Variants in KIRREL3 observed in about 807,000 individuals in gnomAD.
The protein encoded by KIRREL3 is kirre like nephrin family adhesion molecule 3.
In KIRREL3, 36 loss-of-function variants were observed where a neutral mutation model predicts 89.7. The observed-to-expected ratio is 0.40, with a 90% CI of 0.31 to 0.53. The LOEUF (loss-of-function observed/expected upper bound fraction) is 0.53. Among genes scored for constraint, KIRREL3 ranks in the 20% least tolerant of loss-of-function variants. The pLI, the probability that KIRREL3 is intolerant of heterozygous loss-of-function variation, is 0.49. For missense variants in KIRREL3, 864 were observed against 1,056.6 expected, an observed-to-expected ratio of 0.82 and a Z score of 2.53; for synonymous variants, 445 against 441.4, an observed-to-expected ratio of 1.01 and a Z score of -0.10.
At position 126,697,576 on chromosome 11, in the gene KIRREL3, A is replaced by G. The variant is rs1189797892; in HGVS notation, c.56-134664T>C. On this transcript the variant is annotated intron_variant, in intron 1 of 16. Transcript: ENST00000525144. This position sits in a 1 kb window ranked among gnomAD's most constrained non-coding sequence, Gnocchi z 4.2. The stretch of plus-strand genomic sequence containing the variant: ...ATGAATACATGAATAGTGATTAGAG[A>G]TGAGGCCCCAGGACCTATAGCTTTA... 6.6e-6 allele frequency among the ~76,000 whole-genome samples: 1 copy of G among 152,194 alleles called. No individual in the cohort carries two copies. The highest frequency in any genetic ancestry group is 1.9e-4 in the East Asian group (1 of 5,196).
Position 126,563,196 on chromosome 11 carries a change from G to T in KIRREL3, c.56-284C>A, listed in dbSNP as rs1940258216. Among the ~76,000 whole-genome samples, 1 of 152,200 alleles carries T rather than the reference G, an allele frequency of 6.6e-6. No individual in the cohort carries two copies. Among genetic ancestry groups the T allele is most frequent in the Non-Finnish European group, 1.5e-5 (1 of 68,042 alleles). On this transcript the variant is annotated intron_variant, in intron 1 of 16. Coordinates refer to ENST00000525144, the MANE Select transcript of KIRREL3 (RefSeq NM_032531.4). This position sits in a 1 kb window ranked among gnomAD's most constrained non-coding sequence, Gnocchi z 6.8. ...CACTGGATGAAAGAGCTAGCAGGTG[G>T]TAAAGCCAGAGCTTTGAACCTAGGC...
chr11:126,745,770 G>A (rs1482211152), intron 1 of KIRREL3, among the ~76,000 whole-genome samples: 1 of 152,186 alleles, frequency 6.6e-6, no homozygotes, highest in African/African-American at 2.4e-5. Flanking sequence ...CTTGAAATGT[G>A]GGTTTCCATA....
intron 1 of KIRREL3, among the ~76,000 whole-genome samples, chr11:126,567,227 G>T (rs747310670): frequency 4.6e-5 from 7 of 152,194 alleles, no homozygotes; most frequent in Non-Finnish European, 8.8e-5. Flanking sequence ...GTTATAATGA[G>T]GTCATTAGGA....
intron 1 of KIRREL3, among the ~76,000 whole-genome samples, chr11:126,907,846 C>T (rs1447033746): frequency 6.6e-6 from 1 of 152,142 alleles, no homozygotes; most frequent in Non-Finnish European, 1.5e-5. Context: ...TGAGTTCCCC[C>T]ATCAAGTCCA....
chr11:126,671,650 T>C (rs893306042), intron 1 of KIRREL3, among the ~76,000 whole-genome samples: 1 of 151,450 alleles, frequency 6.6e-6, no homozygotes, highest in Non-Finnish European at 1.5e-5. Context: ...CCAAAGAAGA[T>C]ACACAGATGG....
At position 126,655,443 on chromosome 11, in the gene KIRREL3, C is replaced by A. The variant is rs1392577301; in HGVS notation, c.56-92531G>T. On this transcript the variant is annotated intron_variant, in intron 1 of 16. Coordinates refer to ENST00000525144, the MANE Select transcript of KIRREL3 (RefSeq NM_032531.4). This position sits in a 1 kb window ranked among gnomAD's most constrained non-coding sequence, Gnocchi z 5.0. ...AAAAGCCTGCCTCTTTTCTCCTTCA[C>A]CCCTCCACTCCCCCCACAAACAACT... is the stretch of plus-strand genomic sequence containing the variant. Among the ~76,000 whole-genome samples the A allele has an allele frequency of 6.6e-6, 1 of 152,118 alleles. No individual in the cohort carries two copies. Among genetic ancestry groups the A allele is most frequent in the African/African-American group, 2.4e-5 (1 of 41,414 alleles).
At chr11:126,536,022 G>C (rs982379830) in intron 2 of KIRREL3, among the ~76,000 whole-genome samples, 1 of 151,280 alleles carries the variant, frequency 6.6e-6, no homozygotes, top group African/African-American at 2.4e-5. Flanking sequence ...TTTTCTAGGA[G>C]AATCCATAGA....
Position 126,474,849 on chromosome 11 carries a change from T to G in KIRREL3, c.434-1383A>C, listed in dbSNP as rs1957020905. The stretch of plus-strand genomic sequence containing the variant: ...ATGGTTTGGAGGAGAGGCCCAGAAA[T>G]CTGAAGTACCTTGCCTAGGACACAG... On this transcript the variant is annotated intron_variant, in intron 4 of 16. Transcript: ENST00000525144. This position sits in a 1 kb window ranked among gnomAD's most constrained non-coding sequence, Gnocchi z 6.7. Among the ~76,000 whole-genome samples the G allele has an allele frequency of 1.3e-5, 2 of 152,118 alleles. No homozygotes were observed. Among genetic ancestry groups the G allele is most frequent in the Admixed American group, 1.3e-4 (2 of 15,280 alleles).
rs3802816 is a variant in KIRREL3, at chr11:126,431,554, T to C, written c.1589-28A>G. ...GTGGGAGAGAAGCGGGCACAGCTGA[T>C]GACGGATGGGGAATGGCCTACTATC... On this transcript the variant is annotated intron_variant, in intron 13 of 16. Transcript: ENST00000525144. The surrounding 1 kb of genome is among the most constrained non-coding windows in gnomAD (Gnocchi z 7.1). 528,312 of 1,602,162 alleles carry C rather than the reference T, an allele frequency of 0.33. 96,425 individuals carry two copies. The highest frequency in any genetic ancestry group is 0.79 in the East Asian group (35,340 of 44,772).
rs1489811739 is a variant in KIRREL3 at position 126,430,741 on chromosome 11, A to G, written c.1696+678T>C. Among the ~76,000 whole-genome samples the G allele has an allele frequency of 6.6e-6, 1 of 152,200 alleles. No individual in the cohort carries two copies. The highest frequency in any genetic ancestry group is 2.4e-5 in the African/African-American group (1 of 41,438). Reference sequence around the variant, plus strand: ...GGGCCATCAGAGTCATATCCTCATTATAAATGAGGAGACAGGCCTGGAATA... The same window carrying G: ...GGGCCATCAGAGTCATATCCTCATTGTAAATGAGGAGACAGGCCTGGAATA... On this transcript the variant is annotated intron_variant, in intron 14 of 16. Coordinates refer to ENST00000525144, the MANE Select transcript of KIRREL3 (RefSeq NM_032531.4). This position sits in a 1 kb window ranked among gnomAD's most constrained non-coding sequence, Gnocchi z 6.6.
chr11:126,915,647 G>A (rs1947008110), intron 1 of KIRREL3, among the ~76,000 whole-genome samples: 1 of 152,142 alleles, frequency 6.6e-6, no homozygotes, highest in African/African-American at 2.4e-5. Flanking sequence ...GAGCACTAAA[G>A]TACCACTCAT....
At position 126,783,784 on chromosome 11, in the gene KIRREL3, C is replaced by T. The variant is rs1369758350; in HGVS notation, c.55+216671G>A. Among the ~76,000 whole-genome samples, 1 of 152,188 alleles carries T rather than the reference C, an allele frequency of 6.6e-6. No individual in the cohort carries two copies. Among genetic ancestry groups the T allele is most frequent in the South Asian group, 2.1e-4 (1 of 4,834 alleles). ...TCCCGCTCCTTAAGCGTGGGCTGCA[C>T]ATAGTGACTTCCTTCTAAAGAATAC... is the stretch of plus-strand genomic sequence containing the variant. On this transcript the variant is annotated intron_variant, in intron 1 of 16. Coordinates refer to ENST00000525144, the MANE Select transcript of KIRREL3 (RefSeq NM_032531.4). The surrounding 1 kb of genome is among the most constrained non-coding windows in gnomAD (Gnocchi z 4.3).
intron 4 of KIRREL3, among the ~76,000 whole-genome samples, chr11:126,506,695 C>G (rs1258853337): frequency 6.6e-6 from 1 of 152,156 alleles, no homozygotes; most frequent in Non-Finnish European, 1.5e-5. Flanking sequence ...ATTATGTAGC[C>G]ATTCCACTAC....
chr11:126,878,078 A>C (rs1945357894), intron 1 of KIRREL3, among the ~76,000 whole-genome samples: 1 of 152,226 alleles, frequency 6.6e-6, no homozygotes, highest in African/African-American at 2.4e-5. Context: ...ATGGCCTTTC[A>C]TTCACAGAGA....
At chr11:126,895,210 C>T (rs1946101208) in intron 1 of KIRREL3, among the ~76,000 whole-genome samples, 1 of 151,908 alleles carries the variant, frequency 6.6e-6, no homozygotes, top group African/African-American at 2.4e-5. Flanking sequence ...CACCTGTAAC[C>T]CCAGCACTTT....
rs182232588 is a variant in KIRREL3 at position 126,932,407 on chromosome 11, T to C, written c.55+68048A>G. Among the ~76,000 whole-genome samples the C allele has an allele frequency of 3.9e-5, 6 of 152,272 alleles. No individual in the cohort carries two copies. The East Asian group carries it at 1.2e-3, about 29-fold the overall frequency. ...TGCATTCAACCCAACAAGCAGCAGG[T>C]TCCCGTCTTGGACACCGAAAGTGGG... On this transcript the variant is annotated intron_variant, in intron 1 of 16. Coordinates refer to ENST00000525144, the MANE Select transcript of KIRREL3 (RefSeq NM_032531.4).
Position 126,535,984 on chromosome 11 carries a change from CA to C in KIRREL3, c.134-9298del, listed in dbSNP as rs921106668. 2.0e-5 allele frequency among the ~76,000 whole-genome samples: 3 copies of C among 150,008 alleles called. No homozygotes were observed. The highest frequency in any genetic ancestry group is 2.1e-4 in the South Asian group (1 of 4,754). On this transcript the variant is annotated intron_variant, in intron 2 of 16. Transcript: ENST00000525144. The surrounding 1 kb of genome is among the most constrained non-coding windows in gnomAD (Gnocchi z 4.5). ...TAGGGGACAGAGTGAGACTCCATCA[CA>C]AAAAAAAAGATTTTGGTTGAATGAA...
Position 126,918,741 on chromosome 11 carries a change from T to G in KIRREL3, c.55+81714A>C, listed in dbSNP as rs1272915200. On this transcript the variant is annotated intron_variant, in intron 1 of 16. Transcript: ENST00000525144. The surrounding 1 kb of genome is among the most constrained non-coding windows in gnomAD (Gnocchi z 6.5). ...AGTTCCCCTTTTCAAAATCTTTTCCTGCATTGGATGCCAGGCAGCCATTGT... is the reference window on the plus strand; with the variant it reads ...AGTTCCCCTTTTCAAAATCTTTTCCGGCATTGGATGCCAGGCAGCCATTGT... Among the ~76,000 whole-genome samples, 1 of 152,196 alleles carries G rather than the reference T, an allele frequency of 6.6e-6. No individual in the cohort carries two copies. The highest frequency in any genetic ancestry group is 1.5e-5 in the Non-Finnish European group (1 of 68,034).
At chr11:127,002,128 T>C (rs1053961654), upstream of KIRREL3, among the ~76,000 whole-genome samples, 1 of 152,162 alleles carries the variant, frequency 6.6e-6, no homozygotes, top group African/African-American at 2.4e-5. Flanking sequence ...CTTTAAAAAA[T>C]TATCCCTTGG....
Sources: allele counts gnomAD v4.1 joint callset (sites outside exome capture counted in the v4.1 genomes callset), GRCh38; gene constraint gnomAD v4.1.1; non-coding constraint Gnocchi (gnomAD v3.1); transcripts MANE v1.5; gene names NCBI Gene and HGNC (gene_info 2026-07-23, HGNC 2026-07-21).